The following TNNT3 variants were observed in gnomAD, a reference collection of about 807,000 sequenced individuals.
TNNT3 encodes troponin T3, fast skeletal type, also known as troponin T, fast skeletal muscle.
A neutral mutation model predicts 54.2 loss-of-function variants in TNNT3; 36 were observed. That is an observed-to-expected ratio of 0.66 (90% CI 0.51 to 0.88). The LOEUF is 0.88. TNNT3 is among the 40% of genes least tolerant of loss of function. The probability of loss-of-function intolerance (pLI) is 0.00; values close to 1 mark genes in which losing one functional copy is unlikely to be tolerated. For missense variants in TNNT3, 291 were observed against 331.6 expected (o/e 0.88, Z 0.95); for synonymous variants, 120 against 109.7 (o/e 1.09, Z -0.59).
chr11:1,929,802 T>C lies in TNNT3; in HGVS notation c.107-8T>C. ...TCCCTCTCCCTACGCTGGTGCTGTGTGGACCAGAGGAGAAACCGAGACCCA... is the reference window on the plus strand; with the variant it reads ...TCCCTCTCCCTACGCTGGTGCTGTGCGGACCAGAGGAGAAACCGAGACCCA... On this transcript the variant is annotated splice_polypyrimidine_tract_variant and splice_region_variant and intron_variant, in intron 7 of 15. Transcript: ENST00000278317. 1 of 1,551,656 alleles carries C rather than the reference T, an allele frequency of 6.4e-7. No homozygotes were observed. Among genetic ancestry groups the C allele is most frequent in the Non-Finnish European group, 8.7e-7 (1 of 1,147,162 alleles).
chr11:1,921,092 G>A (rs533798293), intron 1 of TNNT3, among the ~76,000 whole-genome samples: 3 of 152,286 alleles, frequency 2.0e-5, no homozygotes, highest in South Asian at 2.1e-4. Flanking sequence ...CTGGGTGCCC[G>A]AGGGTGAGGG....
rs780810053 is a variant in TNNT3, at chr11:1,934,420, C to T, written c.455C>T (p.Ala152Val). ...AAGAAAGCTCTGTCTTCCATGGGAG[C>T]CAACTACAGCAGCTACCTGGCCAAG... is the stretch of plus-strand genomic sequence containing the variant. ...KKKKALSSMG[A>V]NYSSYLAKAD... The change falls in exon 12 of 16, where the codon GCC becomes GTC. Residue 152 changes from alanine (A) to valine (V), a missense_variant. By Grantham distance (64) the Ala-to-Val change is moderately conservative (BLOSUM62 0). Coordinates refer to ENST00000278317, the MANE Select transcript of TNNT3 (RefSeq NM_006757.4). 6.2e-7 allele frequency: 1 copy of T among 1,613,728 alleles called. No homozygotes were observed.
intron 14 of TNNT3, among the ~76,000 whole-genome samples, chr11:1,936,708 C>T (rs755008416): frequency 5.3e-5 from 8 of 152,332 alleles, no homozygotes; most frequent in African/African-American, 1.9e-4. Flanking sequence ...TGGCCAGCTA[C>T]GGGCTGCTGT....
intron 6 of TNNT3, 145 bp from the exon 7 acceptor site, chr11:1,928,975 G>T (rs770598758): frequency 1.2e-5 from 12 of 960,548 alleles, no homozygotes; most frequent in Non-Finnish European, 1.7e-6. Context: ...CACTTGTAGG[G>T]CCCCGCAGGC....
At chr11:1,935,414 C>T (rs772406857) in intron 14 of TNNT3, 9 of 256,104 alleles carry the variant, frequency 3.5e-5, no homozygotes, top group Non-Finnish European at 6.2e-5. Context: ...AGGGGTGACA[C>T]ACTGCACCCT....
intron 14 of TNNT3, chr11:1,935,314 G>C: frequency 2.9e-6 from 1 of 341,444 alleles, no homozygotes; most frequent in East Asian, 7.5e-5. Flanking sequence ...CGTCTGGTGT[G>C]GGGCGTCCTT....
chr11:1,928,477 C>T (rs1852267636), intron 6 of TNNT3, among the ~76,000 whole-genome samples: 1 of 152,154 alleles, frequency 6.6e-6, no homozygotes, highest in Non-Finnish European at 1.5e-5. Context: ...AGGGCAAGCC[C>T]CAGGGAGGTC....
Position 1,924,644 on chromosome 11 carries a change from C to T in TNNT3, c.50-455C>T, listed in dbSNP as rs553358396. On this transcript the variant is annotated intron_variant, in intron 4 of 15. Transcript: ENST00000278317. ...GGCCGGGAGGCCACGGAAGGGTCTTCGTGCGACATGTCTCTGAAGACCCCT... is the reference window on the plus strand; with the variant it reads ...GGCCGGGAGGCCACGGAAGGGTCTTTGTGCGACATGTCTCTGAAGACCCCT... 1.1e-4 allele frequency among the ~76,000 whole-genome samples: 16 copies of T among 152,308 alleles called. No homozygotes were observed. The South Asian group carries it at 2.9e-3, about 28-fold the overall frequency.
chr11:1,929,273 C>T (rs918367377), intron 7 of TNNT3, 130 bp downstream of exon 7: 23 of 1,230,418 alleles, frequency 1.9e-5, no homozygotes, highest in East Asian at 7.0e-5. Flanking sequence ...TCCCCTGGCA[C>T]GGGGGCCTCG....
chr11:1,938,171 T>C (rs1855706280), intron 15 of TNNT3: 1 of 534,806 alleles, frequency 1.9e-6, no homozygotes, highest in Non-Finnish European at 3.4e-6. Context: ...CTGTCTGCAG[T>C]GGTACCTCAG....
chr11:1,938,168 C>G, intron 15 of TNNT3: 1 of 531,724 alleles, frequency 1.9e-6, no homozygotes, highest in South Asian at 2.0e-5. Flanking sequence ...GGTCTGTCTG[C>G]AGTGGTACCT....
intron 7 of TNNT3, 54 bp from the exon 8 acceptor site, chr11:1,929,756 C>G: frequency 6.5e-7 from 1 of 1,548,960 alleles, no homozygotes; most frequent in Non-Finnish European, 8.7e-7. Context: ...GGCTGTCTCT[C>G]TCCCTCTCCC....
chr11:1,934,096 G>C, intron 11 of TNNT3, 88 bp downstream of exon 11: 1 of 1,418,236 alleles, frequency 7.1e-7, no homozygotes, highest in Non-Finnish European at 9.8e-7. Context: ...CCTTCTCCCG[G>C]GGTTCCCATT....
rs1365348037 is a variant in TNNT3, at chr11:1,933,911, A to T, written c.289-20A>T. 1.6e-5 allele frequency: 26 copies of T among 1,612,484 alleles called. No individual in the cohort carries two copies. In the Middle Eastern group the frequency reaches 9.9e-4, roughly 61 times the overall value. On this transcript the variant is annotated intron_variant, in intron 10 of 15. Transcript: ENST00000278317. ...AGGAGCCGGGGACAGGGCTGAGCAG[A>T]CCCCCTTCTCTGGCTGCAGGAGAAG...
chr11:1,934,458 G>T lies in TNNT3; in HGVS notation c.480+13G>T. The T allele has an allele frequency of 6.2e-7, 1 of 1,612,582 alleles. No individual in the cohort carries two copies. Among genetic ancestry groups the T allele is most frequent in the Non-Finnish European group, 8.5e-7 (1 of 1,179,354 alleles). The stretch of plus-strand genomic sequence containing the variant: ...CTACCTGGCCAAGGTGTGTGCCGCT[G>T]CTGGGAGCACGGTGGTAGCCTTCAG... On this transcript the variant is annotated intron_variant, in intron 12 of 15. Transcript: ENST00000278317.
intron 6 of TNNT3, 140 bp from the exon 7 acceptor site, chr11:1,928,980 G>T: frequency 1.0e-6 from 1 of 964,956 alleles, no homozygotes; most frequent in Non-Finnish European, 1.6e-6. Context: ...GTAGGGCCCC[G>T]CAGGCACACC....
chr11:1,929,320 G>C (rs1278223324), intron 7 of TNNT3, among the ~76,000 whole-genome samples, 177 bp downstream of exon 7: 1 of 152,224 alleles, frequency 6.6e-6, no homozygotes, highest in Non-Finnish European at 1.5e-5. Context: ...GGTGCCGCTG[G>C]GGTCGAGCTG....
chr11:1,929,309 C>T (rs756820335), intron 7 of TNNT3, among the ~76,000 whole-genome samples, 166 bp downstream of exon 7: 2 of 152,228 alleles, frequency 1.3e-5, no homozygotes, highest in East Asian at 1.9e-4. Flanking sequence ...CTGCTCCGCA[C>T]GGTGCCGCTG....
At chr11:1,937,090 G>A (rs1855333542) in intron 15 of TNNT3, 87 bp downstream of exon 15, 2 of 1,419,932 alleles carry the variant, frequency 1.4e-6, no homozygotes, top group Admixed American at 2.0e-5. Flanking sequence ...AAGGGCCGGT[G>A]GTGGCTGGCC....
Sources: allele counts gnomAD v4.1 joint callset (sites outside exome capture counted in the v4.1 genomes callset), GRCh38; gene constraint gnomAD v4.1.1; transcripts MANE v1.5; gene names NCBI Gene and HGNC (gene_info 2026-07-23, HGNC 2026-07-21).